Variants in CEP128 observed in about 807,000 individuals in gnomAD.
The protein encoded by CEP128 is centrosomal protein 128, also known as centrosomal protein 128kDa.
In CEP128, 132 loss-of-function variants were observed where a neutral mutation model predicts 156.7. That is an observed-to-expected ratio of 0.84 (90% CI 0.73 to 0.97). The LOEUF (loss-of-function observed/expected upper bound fraction) is 0.97. CEP128 is among the 50% of genes least tolerant of loss of function. The pLI, the probability that CEP128 is intolerant of heterozygous loss-of-function variation, is 0.00. For synonymous variants in CEP128, 469 were observed against 448.9 expected, an observed-to-expected ratio of 1.04 and a Z score of -0.57; for missense variants, 1,252 against 1,281.9, an observed-to-expected ratio of 0.98 and a Z score of 0.36.
chr14:80,517,837 T>C (rs1468052008), intron 23 of CEP128, among the ~76,000 whole-genome samples: 1 of 152,034 alleles, frequency 6.6e-6, no homozygotes, highest in Non-Finnish European at 1.5e-5. Flanking sequence ...AGGATGAATC[T>C]GGGCACTGAG....
chr14:80,520,505 T>C (rs1888691472), intron 23 of CEP128, among the ~76,000 whole-genome samples: 1 of 152,176 alleles, frequency 6.6e-6, no homozygotes, highest in Admixed American at 6.5e-5. Flanking sequence ...ATAAATCCAT[T>C]TGAATCTCTT....
chr14:80,486,604 A>T (rs1887171638), downstream of CEP128, among the ~76,000 whole-genome samples: 1 of 152,194 alleles, frequency 6.6e-6, no homozygotes, highest in Non-Finnish European at 1.5e-5. Flanking sequence ...AAAAAATGTT[A>T]AGGGCAGCCA....
At chr14:80,656,647 G>A (rs1895186205) in intron 19 of CEP128, among the ~76,000 whole-genome samples, 1 of 152,004 alleles carries the variant, frequency 6.6e-6, no homozygotes, top group Admixed American at 6.6e-5. Flanking sequence ...TAAATCTAAT[G>A]AGAAGTTTGT....
chr14:80,480,102 G>A (rs930401642), intron 14 of CEP128, among the ~76,000 whole-genome samples: 4 of 152,202 alleles, frequency 2.6e-5, no homozygotes, highest in Admixed American at 6.5e-5. Context: ...CCAGGCACAC[G>A]GTGCAAGCTG....
chr14:80,906,539 T>C (rs1310511499), intron 4 of CEP128, among the ~76,000 whole-genome samples: 5 of 152,108 alleles, frequency 3.3e-5, no homozygotes, highest in Non-Finnish European at 5.9e-5. Context: ...ACTGAAACAA[T>C]GTACACTGTC....
downstream of CEP128, among the ~76,000 whole-genome samples, chr14:80,485,540 C>A (rs971713790): frequency 6.6e-6 from 1 of 152,122 alleles, no homozygotes; most frequent in Admixed American, 6.5e-5. Flanking sequence ...TATATGCATA[C>A]TGAAACATAT....
intron 19 of CEP128, among the ~76,000 whole-genome samples, chr14:80,640,832 C>CTT (rs1197783770): frequency 6.6e-6 from 1 of 152,158 alleles, no homozygotes; most frequent in Admixed American, 6.5e-5. Context: ...GCCCACATAT[C>CTT]TTAAGGGTAC....
intron 19 of CEP128, among the ~76,000 whole-genome samples, chr14:80,610,184 AT>A (rs1290583183): frequency 6.6e-6 from 1 of 152,186 alleles, no homozygotes; most frequent in African/African-American, 2.4e-5. Context: ...ATAAATGTCT[AT>A]TGGTCAAAAC....
chr14:80,619,460 G>A (rs1353564251), intron 19 of CEP128, among the ~76,000 whole-genome samples: 1 of 151,452 alleles, frequency 6.6e-6, no homozygotes, highest in African/African-American at 2.4e-5. Context: ...AGCATTTAGG[G>A]AGACCGAAGT....
intron 19 of CEP128, among the ~76,000 whole-genome samples, chr14:80,590,097 G>T (rs573519448): frequency 2.0e-5 from 3 of 152,238 alleles, no homozygotes; most frequent in South Asian, 4.2e-4. Context: ...ACACAAGAAT[G>T]ATCACCTGCA....
At chr14:80,548,485 G>C (rs1361606450) in intron 21 of CEP128, among the ~76,000 whole-genome samples, 1 of 152,072 alleles carries the variant, frequency 6.6e-6, no homozygotes, top group Non-Finnish European at 1.5e-5. Flanking sequence ...ATCTTAAAAA[G>C]ATATCAAATA....
intron 14 of CEP128, among the ~76,000 whole-genome samples, chr14:80,481,619 G>A (rs1333863520): frequency 5.3e-5 from 8 of 152,198 alleles, no homozygotes; most frequent in Non-Finnish European, 1.0e-4. Flanking sequence ...TCTAGAAATG[G>A]AAAGTGACCC....
chr14:80,831,435 C>G (rs1392339447), intron 12 of CEP128, 141 bp from the exon 13 acceptor site: 1 of 783,562 alleles, frequency 1.3e-6, no homozygotes, highest in Non-Finnish European at 1.9e-6. Context: ...ACTTTGCCAG[C>G]CTGTTGTTTC....
At chr14:80,748,134 AG>A (rs1215300563) in intron 18 of CEP128, among the ~76,000 whole-genome samples, 1 of 152,210 alleles carries the variant, frequency 6.6e-6, no homozygotes, top group Non-Finnish European at 1.5e-5. Context: ...CGCAATTTAT[AG>A]GCCTCTGTCT....
intron 19 of CEP128, among the ~76,000 whole-genome samples, chr14:80,592,490 C>A (rs764855360): frequency 3.9e-5 from 6 of 152,166 alleles, no homozygotes; most frequent in Non-Finnish European, 5.9e-5. Context: ...ATAACAAGTT[C>A]TCAAATTGAG....
At chr14:80,615,773 C>T (rs1440935515) in intron 19 of CEP128, among the ~76,000 whole-genome samples, 7 of 152,104 alleles carry the variant, frequency 4.6e-5, no homozygotes, top group Non-Finnish European at 8.8e-5. Flanking sequence ...CACTTGAACC[C>T]GGGAGGCAGA....
At chr14:80,758,088 A>G (rs892764115) in intron 17 of CEP128, among the ~76,000 whole-genome samples, 5 of 152,360 alleles carry the variant, frequency 3.3e-5, no homozygotes, top group African/African-American at 1.2e-4. Flanking sequence ...AATGTCATAC[A>G]TGTCAATTAA....
At chr14:80,756,805 T>C in intron 18 of CEP128, 87 bp downstream of exon 18, 1 of 832,654 alleles carries the variant, frequency 1.2e-6, no homozygotes, top group Non-Finnish European at 2.0e-6. Context: ...TATGTTCAGT[T>C]ACATAACAAA....
intron 13 of CEP128, among the ~76,000 whole-genome samples, chr14:80,828,390 T>C (rs1477815885): frequency 6.6e-6 from 1 of 152,170 alleles, no homozygotes; most frequent in Admixed American, 6.5e-5. Context: ...CCCAAAGTGC[T>C]GGGATTACAG....
Sources: gnomAD v4.1 joint callset for allele counts (sites outside exome capture counted in the v4.1 genomes callset) on GRCh38, gnomAD v4.1.1 for gene constraint, MANE v1.5 for transcripts, NCBI Gene and HGNC (gene_info 2026-07-23, HGNC 2026-07-21) for gene names.